PROCR: variants seen among roughly 807,000 people sequenced by gnomAD.
PROCR encodes the protein protein C receptor.
A neutral mutation model predicts 24.2 loss-of-function variants in PROCR; 22 were observed. That is an observed-to-expected ratio of 0.91 (90% CI 0.65 to 1.30). The LOEUF (loss-of-function observed/expected upper bound fraction) is 1.30, where lower values mean the gene tolerates loss of function less well. Ranked by LOEUF, PROCR falls within the 50% of genes most tolerant of loss-of-function variation. The pLI is 0.00. For missense variants in PROCR, 288 were observed against 307.7 expected, an observed-to-expected ratio of 0.94 and a Z score of 0.48; for synonymous variants, 137 against 139.2, an observed-to-expected ratio of 0.98 and a Z score of 0.11.
At chr20:35,216,214 A>G (rs1242139170) in exon 2 of PROCR, 1 of 152,178 alleles carries the variant, frequency 6.6e-6, no homozygotes, top group Non-Finnish European at 1.5e-5. Flanking sequence ...ATAAATAAAT[A>G]AAACAAAATA....
chr20:35,177,225 A>G lies in PROCR; in HGVS notation c.*412A>G, dbSNP rs1192795855. 1.5e-5 allele frequency: 16 copies of G among 1,068,974 alleles called. No individual in the cohort carries two copies. The South Asian group carries it at 3.4e-4, about 23-fold the overall frequency. 66.2% of individuals were successfully genotyped at this position (1,068,974 alleles called of 1,614,324 possible). A position where few individuals can be genotyped will look rare whatever the true frequency, so the allele number is the denominator to read the frequency against. On this transcript the variant is annotated 3_prime_UTR_variant, in exon 4 of 4. Transcript: ENST00000216968. ...CATTCAATACTTCCAGGTGTGTCAG[A>G]CTTGGGATGGGACGCTGATATAATA...
intron 1 of PROCR, among the ~76,000 whole-genome samples, chr20:35,200,309 A>G (rs1235093190): frequency 3.3e-5 from 5 of 152,202 alleles, no homozygotes; most frequent in African/African-American, 1.2e-4. Flanking sequence ...TGCTACAGAG[A>G]AATATTTTGT....
At chr20:35,181,967 T>C (rs959637236), downstream of PROCR, among the ~76,000 whole-genome samples, 3 of 152,176 alleles carry the variant, frequency 2.0e-5, no homozygotes, top group Non-Finnish European at 2.9e-5. Flanking sequence ...ACTACCTCCA[T>C]CACCAATGCT....
At chr20:35,188,352 T>C (rs1454521341) in intron 1 of PROCR, among the ~76,000 whole-genome samples, 1 of 152,204 alleles carries the variant, frequency 6.6e-6, no homozygotes, top group Non-Finnish European at 1.5e-5. Context: ...ATAAGCTATG[T>C]ACTGAAAGAA....
Position 35,175,634 on chromosome 20 carries a change from G to C in PROCR, c.323-534G>C, listed in dbSNP as rs1382495022. 1.5e-4 allele frequency among the ~76,000 whole-genome samples: 20 copies of C among 129,864 alleles called. No homozygotes were observed. In the East Asian group the frequency reaches 4.0e-3, roughly 26 times the overall value. 85.2% of individuals were successfully genotyped at this position (129,864 alleles called of 152,430 possible). A position where few individuals can be genotyped will look rare whatever the true frequency, so the allele number is the denominator to read the frequency against. ...GAGTCTTGCTCTGTCGTCCAGGCTGGAGTGCAGTGGCGCGATCTCGGCTCA... is the reference window on the plus strand; with the variant it reads ...GAGTCTTGCTCTGTCGTCCAGGCTGCAGTGCAGTGGCGCGATCTCGGCTCA... On this transcript the variant is annotated intron_variant, in intron 2 of 3. Transcript: ENST00000216968.
intron 1 of PROCR, among the ~76,000 whole-genome samples, chr20:35,201,141 G>A (rs937678141): frequency 2.6e-5 from 4 of 151,078 alleles, no homozygotes; most frequent in Admixed American, 1.3e-4. Flanking sequence ...AATTAGGTAT[G>A]TGTATTATTA....
downstream of PROCR, among the ~76,000 whole-genome samples, chr20:35,178,128 G>T (rs1323561247): frequency 6.6e-6 from 1 of 151,972 alleles, no homozygotes; most frequent in African/African-American, 2.4e-5. Context: ...TGTCGGCCAG[G>T]CGCGGTGGCT....
At chr20:35,185,458 C>A (rs2086116625) in intron 1 of PROCR, among the ~76,000 whole-genome samples, 2 of 152,196 alleles carry the variant, frequency 1.3e-5, no homozygotes, top group African/African-American at 4.8e-5. Flanking sequence ...CAGCACAATT[C>A]ACCATTGCAA....
intron 1 of PROCR, among the ~76,000 whole-genome samples, chr20:35,212,983 T>TA (rs1259608298): frequency 6.6e-6 from 1 of 152,264 alleles, no homozygotes; most frequent in Non-Finnish European, 1.5e-5. Context: ...CTGATTGTCT[T>TA]AATTTGCCTT....
chr20:35,173,100 AAC>A (rs1252081584), intron 1 of PROCR, among the ~76,000 whole-genome samples: 1 of 152,206 alleles, frequency 6.6e-6, no homozygotes, highest in Non-Finnish European at 1.5e-5. Context: ...CTCAAATGCA[AAC>A]ACAGACAGGA....
intron 1 of PROCR, among the ~76,000 whole-genome samples, chr20:35,172,608 T>C (rs2085961983): frequency 6.8e-6 from 1 of 146,450 alleles, no homozygotes; most frequent in South Asian, 2.2e-4. Context: ...ATGGAGGGAA[T>C]GGGAAGACCC....
intron 1 of PROCR, among the ~76,000 whole-genome samples, chr20:35,196,620 T>G (rs1179471258): frequency 6.6e-6 from 1 of 152,182 alleles, no homozygotes; most frequent in Non-Finnish European, 1.5e-5. Context: ...ATTTTCTATC[T>G]AGTGAATATT....
At chr20:35,190,678 G>A (rs2086166263) in intron 1 of PROCR, among the ~76,000 whole-genome samples, 1 of 152,172 alleles carries the variant, frequency 6.6e-6, no homozygotes, top group Non-Finnish European at 1.5e-5. Flanking sequence ...AAGTCAGAGA[G>A]AAATAAATGT....
At position 35,191,376 on chromosome 20, in the gene PROCR, C is replaced by T. The variant is rs184090941; in HGVS notation, c.94+14930C>T. Among the ~76,000 whole-genome samples the T allele has an allele frequency of 3.6e-3, 549 of 151,972 alleles. 3 individuals carry two copies. The highest frequency in any genetic ancestry group is 0.013 in the African/African-American group (525 of 41,406). On this transcript the variant is annotated intron_variant, in intron 1 of 1. Transcript: ENST00000634509. The stretch of plus-strand genomic sequence containing the variant: ...CTATGGTTCAGACGCTGTTTTAGGA[C>T]GTGGGAATAGAGCAATATAGCAGAG...
At chr20:35,174,291 C>A in intron 1 of PROCR, 1 of 254,840 alleles carries the variant, frequency 3.9e-6, no homozygotes, top group Admixed American at 4.6e-5. Context: ...AAGTTACTAC[C>A]CCAGTCTAGA....
At chr20:35,193,814 A>G (rs768027359) in intron 1 of PROCR, among the ~76,000 whole-genome samples, 3 of 152,204 alleles carry the variant, frequency 2.0e-5, no homozygotes, top group Non-Finnish European at 2.9e-5. Context: ...TAGGCTGAAG[A>G]CCTAAATTTG....
chr20:35,171,778 T>C (rs546954485), upstream of PROCR, among the ~76,000 whole-genome samples: 7 of 152,134 alleles, frequency 4.6e-5, no homozygotes, highest in Admixed American at 2.0e-4. Context: ...AAGTTGAAAG[T>C]AGATGCCCCA....
chr20:35,208,120 G>A (rs2060348965), intron 1 of PROCR, among the ~76,000 whole-genome samples: 1 of 152,126 alleles, frequency 6.6e-6, no homozygotes, highest in African/African-American at 2.4e-5. Context: ...GGAAAAGCCG[G>A]CAGCACAGCG....
chr20:35,203,006 G>A (rs2060324429), intron 1 of PROCR: 2 of 152,152 alleles, frequency 1.3e-5, no homozygotes, highest in South Asian at 4.1e-4. Context: ...GGCCGGGCGT[G>A]GTGGCTCACA....
Sources: allele counts gnomAD v4.1 joint callset (sites outside exome capture counted in the v4.1 genomes callset), GRCh38; gene constraint gnomAD v4.1.1; transcripts MANE v1.5; gene names NCBI Gene and HGNC (gene_info 2026-07-23, HGNC 2026-07-21).